The following UBL3 variants were observed in gnomAD, a reference collection of about 807,000 sequenced individuals.
The protein encoded by UBL3 is ubiquitin like 3.
UBL3 carries 6 observed loss-of-function variants against 18.4 expected under a neutral mutation model. That is an observed-to-expected ratio of 0.33 (90% confidence interval 0.18 to 0.64). UBL3 has a LOEUF of 0.64. Ranked by LOEUF, UBL3 falls within the 30% of genes least tolerant of loss-of-function variation. UBL3 has a pLI of 0.76. For missense variants in UBL3, 109 were observed against 142.9 expected (o/e 0.76, Z 1.21); for synonymous variants, 49 against 46.6 (o/e 1.05, Z -0.21).
At chr13:29,848,393 G>A (rs1879281732) in intron 1 of UBL3, among the ~76,000 whole-genome samples, 1 of 151,778 alleles carries the variant, frequency 6.6e-6, no homozygotes, top group Non-Finnish European at 1.5e-5. Context: ...GGAGGCAGAG[G>A]TTGCAGTGAG....
intron 1 of UBL3, among the ~76,000 whole-genome samples, chr13:29,806,009 C>G (rs1317095465): frequency 6.6e-6 from 1 of 152,104 alleles, no homozygotes; most frequent in African/African-American, 2.4e-5. Flanking sequence ...AACTCCATTT[C>G]TAATTAAAAT....
chr13:29,816,219 ATAT>A (rs1878274669), intron 1 of UBL3, among the ~76,000 whole-genome samples: 1 of 152,142 alleles, frequency 6.6e-6, no homozygotes, highest in African/African-American at 2.4e-5. Context: ...AATAATATTA[ATAT>A]TATTACATTA....
At chr13:29,826,582 CTTT>C (rs1308810240) in intron 1 of UBL3, among the ~76,000 whole-genome samples, 1 of 152,070 alleles carries the variant, frequency 6.6e-6, no homozygotes, top group Non-Finnish European at 1.5e-5. Context: ...TTTGATTCTT[CTTT>C]ATTAGTCTTG....
intron 1 of UBL3, among the ~76,000 whole-genome samples, chr13:29,809,595 T>C (rs928100340): frequency 1.3e-5 from 2 of 152,146 alleles, no homozygotes; most frequent in Non-Finnish European, 2.9e-5. Context: ...TAGAGCATTC[T>C]TTCCTTAGGA....
At chr13:29,781,040 T>C (rs1877161063) in intron 1 of UBL3, among the ~76,000 whole-genome samples, 1 of 152,016 alleles carries the variant, frequency 6.6e-6, no homozygotes. Context: ...CAGAGCATGG[T>C]GATGCGCGCT....
rs78623572 is a variant in UBL3, at chr13:29,798,360, T to C, written c.28-21097A>G. On this transcript the variant is annotated intron_variant, in intron 1 of 4. Coordinates refer to ENST00000380680, the MANE Select transcript of UBL3 (RefSeq NM_007106.4). Reference sequence around the variant, plus strand: ...TTTAATGAAGGCATGGTACAAGTACTAAATCAGCTGATTGTCCTCCCTAAA... The same window carrying C: ...TTTAATGAAGGCATGGTACAAGTACCAAATCAGCTGATTGTCCTCCCTAAA... Among the ~76,000 whole-genome samples the C allele has an allele frequency of 3.9e-4, 60 of 152,194 alleles. No individual in the cohort carries two copies. In the East Asian group the frequency reaches 0.011, roughly 29 times the overall value.
intron 1 of UBL3, among the ~76,000 whole-genome samples, chr13:29,830,675 A>G (rs1878749153): frequency 6.6e-6 from 1 of 152,240 alleles, no homozygotes; most frequent in Non-Finnish European, 1.5e-5. Context: ...TCAGAGCAAA[A>G]AGCAAGTACT....
chr13:29,810,725 T>C (rs941730716), intron 1 of UBL3, among the ~76,000 whole-genome samples: 12 of 152,126 alleles, frequency 7.9e-5, no homozygotes, highest in African/African-American at 2.9e-4. Flanking sequence ...ATATTTTAAA[T>C]TAAGGAACAT....
intron 1 of UBL3, among the ~76,000 whole-genome samples, chr13:29,806,806 C>T (rs557761510): frequency 3.3e-5 from 5 of 152,288 alleles, no homozygotes; most frequent in South Asian, 2.1e-4. Flanking sequence ...CAGTGATACA[C>T]GTGCAAACTC....
chr13:29,838,972 T>C (rs760397656), intron 1 of UBL3, among the ~76,000 whole-genome samples: 2 of 152,100 alleles, frequency 1.3e-5, no homozygotes, highest in South Asian at 2.1e-4. Flanking sequence ...AAAAAAACTT[T>C]AAAGCAAAAA....
chr13:29,810,265 G>T (rs1878017158), intron 1 of UBL3, among the ~76,000 whole-genome samples: 1 of 152,112 alleles, frequency 6.6e-6, no homozygotes, highest in African/African-American at 2.4e-5. Context: ...ATTCAGAGGA[G>T]ATTGTCTGGG....
At chr13:29,842,944 A>T (rs927263939) in intron 1 of UBL3, among the ~76,000 whole-genome samples, 1 of 152,230 alleles carries the variant, frequency 6.6e-6, no homozygotes, top group Non-Finnish European at 1.5e-5. Flanking sequence ...TGCTCATTTT[A>T]AACACATATT....
At chr13:29,773,132 T>C (rs997388603) in intron 2 of UBL3, among the ~76,000 whole-genome samples, 1 of 152,168 alleles carries the variant, frequency 6.6e-6, no homozygotes, top group African/African-American at 2.4e-5. Flanking sequence ...CACAAAAAAA[T>C]AGTTTAAAGT....
chr13:29,791,562 G>A (rs548907229), intron 1 of UBL3, among the ~76,000 whole-genome samples: 1 of 152,202 alleles, frequency 6.6e-6, no homozygotes, highest in East Asian at 1.9e-4. Context: ...ATCCTATCCT[G>A]GCAAGAATCA....
intron 1 of UBL3, among the ~76,000 whole-genome samples, chr13:29,812,966 T>C (rs1451019602): frequency 6.6e-6 from 1 of 152,074 alleles, no homozygotes. Context: ...AAATTACATA[T>C]GTTGTGTTCT....
At chr13:29,805,924 C>T (rs553566080) in intron 1 of UBL3, among the ~76,000 whole-genome samples, 3 of 152,318 alleles carry the variant, frequency 2.0e-5, no homozygotes, top group South Asian at 4.1e-4. Context: ...TGCCTGTAAT[C>T]CCAGCACTTT....
intron 1 of UBL3, among the ~76,000 whole-genome samples, chr13:29,808,758 ATATG>A (rs1877960084): frequency 6.6e-6 from 1 of 152,126 alleles, no homozygotes; most frequent in South Asian, 2.1e-4. Flanking sequence ...AAATGAGACA[ATATG>A]TATGTATTTT....
intron 1 of UBL3, among the ~76,000 whole-genome samples, chr13:29,838,901 AAG>A (rs1433881378): frequency 1.3e-5 from 2 of 152,156 alleles, no homozygotes; most frequent in African/African-American, 4.8e-5. Flanking sequence ...TATAAGGACG[AAG>A]AGAGATTTAA....
intron 1 of UBL3, among the ~76,000 whole-genome samples, chr13:29,789,632 A>ATTC (rs1443452898): frequency 6.6e-6 from 1 of 152,234 alleles, no homozygotes. Flanking sequence ...GCTGTAAGGC[A>ATTC]TTCAGCCACC....
Sources: allele counts gnomAD v4.1 joint callset (sites outside exome capture counted in the v4.1 genomes callset), GRCh38; gene constraint gnomAD v4.1.1; transcripts MANE v1.5; gene names NCBI Gene and HGNC (gene_info 2026-07-23, HGNC 2026-07-21).